MROH2A: variants seen among roughly 807,000 people sequenced by gnomAD.
MROH2A encodes maestro heat-like repeat-containing protein family member 2A.
In MROH2A, 174 loss-of-function variants were observed where a neutral mutation model predicts 200.4. That is an observed-to-expected ratio of 0.87 (90% CI 0.77 to 0.98). The LOEUF is 0.98. Among genes scored for constraint, MROH2A ranks in the 50% least tolerant of loss-of-function variants. MROH2A has a pLI of 0.00. For synonymous variants in MROH2A, 829 were observed against 840.4 expected, an observed-to-expected ratio of 0.99 and a Z score of 0.23; for missense variants, 2,045 against 2,139.6, an observed-to-expected ratio of 0.96 and a Z score of 0.87.
chr2:233,816,774 C>T lies in MROH2A; in HGVS notation c.2857-7C>T, dbSNP rs975187573. The T allele has an allele frequency of 2.6e-6, 4 of 1,546,860 alleles. No individual in the cohort carries two copies. The highest frequency in any genetic ancestry group is 3.5e-6 in the Non-Finnish European group (4 of 1,143,800). On this transcript the variant is annotated splice_polypyrimidine_tract_variant and splice_region_variant and intron_variant, in intron 26 of 41. Transcript: ENST00000389758. ...ACCCACTTTGGTGTTCTGGGCTCTA[C>T]CCATAGCTCCTGGAAAAGTGGATCT...
In MROH2A at chr2:233,789,605, A is replaced by G. The variant is rs1701594464; in HGVS notation, c.385A>G (p.Lys129Glu). The G allele has an allele frequency of 3.4e-6, 5 of 1,478,630 alleles. No homozygotes were observed. Among genetic ancestry groups the G allele is most frequent in the Non-Finnish European group, 3.6e-6 (4 of 1,112,902 alleles). The allele number at this position is 1,478,630 out of a possible 1,614,324, so 91.6% of individuals were successfully genotyped here. A position where few individuals can be genotyped will look rare whatever the true frequency, so the allele number is the denominator to read the frequency against. The change falls in exon 4 of 42, where the codon AAG becomes GAG. Residue 129 changes from lysine (K) to glutamate (E), a missense_variant. Lys to Glu is a moderately conservative substitution (Grantham distance 56). Around this residue, in one of 3 missense-constraint regions of MROH2A, gnomAD observed 831 missense variants for 800.0 expected, o/e 1.04. Coordinates refer to ENST00000389758, the MANE Select transcript of MROH2A (RefSeq NM_001394639.1). Reference sequence around the variant, plus strand: ...GCAGAGGCTGGTGGCCATTGCCTCCAAGGAGATGAGGGAGATCCCAGAGGT... The same window carrying G: ...GCAGAGGCTGGTGGCCATTGCCTCCGAGGAGATGAGGGAGATCCCAGAGGT... Reference protein sequence around the residue: ...CVQRLVAIASKEMREIPEMEG... With the variant: ...CVQRLVAIASEEMREIPEMEG...
rs563074856 is a variant in MROH2A at position 233,832,499 on chromosome 2, G to A, written c.4838-80G>A. 2.3e-5 allele frequency: 27 copies of A among 1,175,108 alleles called. No individual in the cohort carries two copies. The South Asian group carries it at 2.8e-4, about 12-fold the overall frequency. 72.8% of individuals were successfully genotyped at this position (1,175,108 alleles called of 1,614,324 possible). On this transcript the variant is annotated intron_variant, in intron 40 of 41. Coordinates refer to ENST00000389758, the MANE Select transcript of MROH2A (RefSeq NM_001394639.1). ...AATCTTTCATCAATGCTCTCATAAC[G>A]TAAAGTAAGTAAACCACAGGACGAC...
At chr2:233,832,851 G>A (rs1704876505) in intron 41 of MROH2A, among the ~76,000 whole-genome samples, 3 of 152,090 alleles carry the variant, frequency 2.0e-5, no homozygotes, top group African/African-American at 7.2e-5. Flanking sequence ...TCATTCCCTG[G>A]GCTGTTTCTC....
intron 38 of MROH2A, among the ~76,000 whole-genome samples, chr2:233,831,102 G>A (rs915148608): frequency 6.6e-6 from 1 of 152,190 alleles, no homozygotes; most frequent in South Asian, 2.1e-4. Flanking sequence ...GCTCAAGCCC[G>A]GCTCCCGCCT....
chr2:233,782,478 C>T (rs1038930984), intron 3 of MROH2A, among the ~76,000 whole-genome samples: 1 of 152,028 alleles, frequency 6.6e-6, no homozygotes, highest in Non-Finnish European at 1.5e-5. Flanking sequence ...AAATGGATTT[C>T]TTGGTTTCTT....
chr2:233,807,906 C>T lies in MROH2A; in HGVS notation c.2295+51C>T. 3.9e-6 allele frequency: 6 copies of T among 1,548,892 alleles called. No individual in the cohort carries two copies. The highest frequency in any genetic ancestry group is 5.2e-6 in the Non-Finnish European group (6 of 1,145,526). ...GGTCTTGGGATCTCTTAGCACAGTG[C>T]TCTGGGCACTGACACAAAGTCCTTT... On this transcript the variant is annotated intron_variant, in intron 21 of 41. Coordinates refer to ENST00000389758, the MANE Select transcript of MROH2A (RefSeq NM_001394639.1). The surrounding 1 kb of genome is among the most constrained non-coding windows in gnomAD (Gnocchi z 4.3).
intron 35 of MROH2A, among the ~76,000 whole-genome samples, chr2:233,824,770 A>T (rs1576011672): frequency 6.6e-6 from 1 of 152,250 alleles, no homozygotes; most frequent in East Asian, 1.9e-4. Context: ...GTGCTCATTA[A>T]ATGCTAGCTA....
chr2:233,822,869 A>T lies in MROH2A; in HGVS notation c.3867-12A>T, dbSNP rs1185453652. 14 of 1,549,740 alleles carry T rather than the reference A, an allele frequency of 9.0e-6. No homozygotes were observed. The highest frequency in any genetic ancestry group is 1.2e-5 in the Non-Finnish European group (14 of 1,146,642). ...GCAGGGCAGCGCATCACAAGCTCCC[A>T]CCTCCCTTCAGGGTCACTATCAAGT... On this transcript the variant is annotated splice_polypyrimidine_tract_variant and intron_variant, in intron 33 of 41. Transcript: ENST00000389758.
At chr2:233,818,842 G>A (rs2046806909) in intron 29 of MROH2A, 72 bp downstream of exon 29, 1 of 950,506 alleles carries the variant, frequency 1.1e-6, no homozygotes, top group Non-Finnish European at 1.6e-6. Flanking sequence ...AGGGAGGGAG[G>A]CCTTCCTGGG....
At chr2:233,805,161 G>A in intron 19 of MROH2A, 50 bp downstream of exon 19, 2 of 1,263,022 alleles carry the variant, frequency 1.6e-6, no homozygotes, top group Non-Finnish European at 2.2e-6. Context: ...AGACTCCAGG[G>A]GTGAGGGAGT....
intron 11 of MROH2A, among the ~76,000 whole-genome samples, chr2:233,797,549 G>A (rs778598670): frequency 6.6e-6 from 1 of 152,100 alleles, no homozygotes; most frequent in Non-Finnish European, 1.5e-5. Context: ...ATACAACGTG[G>A]GGCAGTATTT....
At chr2:233,784,061 C>A (rs1269301476) in intron 3 of MROH2A, among the ~76,000 whole-genome samples, 1 of 151,904 alleles carries the variant, frequency 6.6e-6, no homozygotes, top group Non-Finnish European at 1.5e-5. Flanking sequence ...CTGCACTGAT[C>A]TCTTGCCCTT....
At position 233,809,298 on chromosome 2, in the gene MROH2A, G is replaced by A. The variant is rs1385006858; in HGVS notation, c.2448+20G>A. ...TGCCAGGTAGCCCCATCTGCTGCCT[G>A]GGGGGATGTCTTCTGGACCAGGCTG... On this transcript the variant is annotated intron_variant, in intron 22 of 41. Coordinates refer to ENST00000389758, the MANE Select transcript of MROH2A (RefSeq NM_001394639.1). 1.9e-6 allele frequency: 3 copies of A among 1,546,792 alleles called. No homozygotes were observed. The highest frequency in any genetic ancestry group is 1.7e-6 in the Non-Finnish European group (2 of 1,143,956).
rs1702893800 is a variant in MROH2A at position 233,807,700 on chromosome 2, G to C, written c.2173-33G>C. 6.4e-7 allele frequency: 1 copy of C among 1,550,444 alleles called. No homozygotes were observed. Among genetic ancestry groups the C allele is most frequent in the South Asian group, 1.2e-5 (1 of 84,050 alleles). ...GATCCTCCTCTGCCCACTGGCCCCT[G>C]CCCTCACCCTGGCTGGCTGGGTCTC... On this transcript the variant is annotated intron_variant, in intron 20 of 41. Coordinates refer to ENST00000389758, the MANE Select transcript of MROH2A (RefSeq NM_001394639.1). This position sits in a 1 kb window ranked among gnomAD's most constrained non-coding sequence, Gnocchi z 4.3.
At chr2:233,796,518 C>G (rs1177070099) in intron 11 of MROH2A, among the ~76,000 whole-genome samples, 4 of 152,126 alleles carry the variant, frequency 2.6e-5, no homozygotes, top group Non-Finnish European at 5.9e-5. Flanking sequence ...CACACCCAAC[C>G]CTCTGAGTCC....
chr2:233,797,173 C>A (rs926924636), intron 11 of MROH2A, among the ~76,000 whole-genome samples: 4 of 152,214 alleles, frequency 2.6e-5, no homozygotes, highest in Non-Finnish European at 4.4e-5. Context: ...GTGGGTTATA[C>A]TTTGCTTATT....
intron 6 of MROH2A, 146 bp downstream of exon 6, chr2:233,793,040 G>T (rs12622156): frequency 1.2e-6 from 1 of 801,226 alleles, no homozygotes; most frequent in Non-Finnish European, 1.9e-6. Context: ...CTTTTACTTC[G>T]TGTGGCCTCT....
intron 5 of MROH2A, among the ~76,000 whole-genome samples, chr2:233,791,585 G>T (rs1290245359): frequency 1.3e-5 from 2 of 152,188 alleles, no homozygotes; most frequent in African/African-American, 4.8e-5. Context: ...TGACCTCAGA[G>T]TGCAGGTGAT....
chr2:233,825,006 G>A (rs1384165116), intron 35 of MROH2A, among the ~76,000 whole-genome samples: 2 of 152,190 alleles, frequency 1.3e-5, no homozygotes, highest in Non-Finnish European at 2.9e-5. Flanking sequence ...TCTTTGAGCA[G>A]AGGTTTGTAG....
Sources: allele counts gnomAD v4.1 joint callset (sites outside exome capture counted in the v4.1 genomes callset), GRCh38; gene constraint gnomAD v4.1.1; regional missense constraint gnomAD v4.1.1; non-coding constraint Gnocchi (gnomAD v3.1); transcripts MANE v1.5; gene names NCBI Gene and HGNC (gene_info 2026-07-23, HGNC 2026-07-21).